Variants in TMCC1 observed in about 807,000 individuals in gnomAD.
TMCC1 encodes transmembrane and coiled-coil domain family 1.
In TMCC1, 15 loss-of-function variants were observed where a neutral mutation model predicts 52.4. That is an observed-to-expected ratio of 0.29 (90% CI 0.19 to 0.44). The LOEUF (loss-of-function observed/expected upper bound fraction) is 0.44. TMCC1 is among the 20% of genes least tolerant of loss of function. TMCC1 has a pLI of 1.00. For missense variants in TMCC1, 503 were observed against 806.0 expected (o/e 0.62, Z 4.55); for synonymous variants, 279 against 301.9 (o/e 0.92, Z 0.79).
intron 4 of TMCC1, among the ~76,000 whole-genome samples, chr3:129,718,854 G>A (rs2049323602): frequency 6.6e-6 from 1 of 152,112 alleles, no homozygotes; most frequent in African/African-American, 2.4e-5. Context: ...AACAGTTTAT[G>A]TTATTGATAA....
At chr3:129,763,867 T>C (rs2053863119) in intron 4 of TMCC1, among the ~76,000 whole-genome samples, 2 of 151,666 alleles carry the variant, frequency 1.3e-5, no homozygotes, top group African/African-American at 4.8e-5. Flanking sequence ...AATACCTGTC[T>C]TAGTTTTTAT....
chr3:129,769,539 AT>A (rs56862714), intron 4 of TMCC1, among the ~76,000 whole-genome samples: 126,390 of 132,538 alleles, frequency 0.95, 60,278 homozygotes, highest in East Asian at 0.99. Context: ...CCATTATGAG[AT>A]TTTTTTTTTT....
intron 4 of TMCC1, among the ~76,000 whole-genome samples, chr3:129,709,415 G>A (rs1385537137): frequency 6.7e-6 from 1 of 148,946 alleles, no homozygotes; most frequent in Non-Finnish European, 1.5e-5. Context: ...GGCCCAGGCT[G>A]TGGTGAGCTG....
intron 4 of TMCC1, among the ~76,000 whole-genome samples, chr3:129,825,533 G>T (rs1181328802): frequency 6.6e-6 from 1 of 151,864 alleles, no homozygotes; most frequent in Non-Finnish European, 1.5e-5. Context: ...CTTTTTTGGT[G>T]GGGGTGGGTG....
intron 4 of TMCC1, among the ~76,000 whole-genome samples, chr3:129,762,214 A>AT (rs954169181): frequency 6.6e-6 from 1 of 151,608 alleles, no homozygotes; most frequent in Non-Finnish European, 1.5e-5. Flanking sequence ...GTTTGTTATA[A>AT]TTTTTTGTAG....
chr3:129,834,517 A>C (rs1446235951), intron 2 of TMCC1, among the ~76,000 whole-genome samples: 1 of 152,210 alleles, frequency 6.6e-6, no homozygotes, highest in Non-Finnish European at 1.5e-5. Context: ...CTACTGACTA[A>C]AATTTTGACT....
In TMCC1 at chr3:129,651,217, A is replaced by G. The variant is rs982127461; in HGVS notation, c.*264T>C. On this transcript the variant is annotated 3_prime_UTR_variant, in exon 7 of 7. Coordinates refer to ENST00000393238, the MANE Select transcript of TMCC1 (RefSeq NM_001017395.5). The surrounding 1 kb of genome is among the most constrained non-coding windows in gnomAD (Gnocchi z 5.1). The stretch of plus-strand genomic sequence containing the variant: ...GCTCCAGATTGTTGGTTCATATTAA[A>G]GGACTGTTTTAAGATTTGCATCCCA... The G allele has an allele frequency of 8.9e-6, 4 of 449,070 alleles. No homozygotes were observed. Among genetic ancestry groups the G allele is most frequent in the African/African-American group, 2.0e-5 (1 of 51,066 alleles). 27.8% of individuals were successfully genotyped at this position (449,070 alleles called of 1,614,324 possible).
At chr3:129,811,792 A>G (rs1019262346) in intron 4 of TMCC1, among the ~76,000 whole-genome samples, 1 of 151,668 alleles carries the variant, frequency 6.6e-6, no homozygotes, top group Middle Eastern at 3.4e-3. Context: ...AAAAATACAA[A>G]ACTTAGCTGG....
chr3:129,671,300 A>G (rs749380882), intron 4 of TMCC1, 36 bp from the exon 5 acceptor site: 2 of 1,563,564 alleles, frequency 1.3e-6, no homozygotes, highest in South Asian at 2.4e-5. Flanking sequence ...TTAGAAGCCC[A>G]AGAGGACTAC....
intron 4 of TMCC1, among the ~76,000 whole-genome samples, chr3:129,692,205 A>T (rs2047074995): frequency 6.6e-6 from 1 of 152,210 alleles, no homozygotes; most frequent in South Asian, 2.1e-4. Flanking sequence ...TTAGTGATAA[A>T]ATTAATATTA....
At chr3:129,855,213 T>C (rs2060098284) in intron 2 of TMCC1, among the ~76,000 whole-genome samples, 1 of 152,204 alleles carries the variant, frequency 6.6e-6, no homozygotes, top group Non-Finnish European at 1.5e-5. Flanking sequence ...TCAAACTCCA[T>C]TGAATAAAAT....
chr3:129,667,805 C>T (rs922999747), intron 5 of TMCC1, among the ~76,000 whole-genome samples: 3 of 152,182 alleles, frequency 2.0e-5, no homozygotes, highest in Non-Finnish European at 4.4e-5. Context: ...CATATCTTGA[C>T]TTTCTACATC....
At chr3:129,675,354 T>A (rs1189293908) in intron 4 of TMCC1, among the ~76,000 whole-genome samples, 1 of 152,230 alleles carries the variant, frequency 6.6e-6, no homozygotes, top group Non-Finnish European at 1.5e-5. Flanking sequence ...CAAATCTGGC[T>A]TTGCTACTAG....
intron 3 of TMCC1, among the ~76,000 whole-genome samples, chr3:129,830,379 T>C (rs766659376): frequency 2.6e-5 from 4 of 152,220 alleles, no homozygotes; most frequent in Non-Finnish European, 4.4e-5. Flanking sequence ...ACAATGTTAC[T>C]CTGATTTTTA....
chr3:129,661,243 T>C (rs576125930), intron 5 of TMCC1, among the ~76,000 whole-genome samples: 1 of 152,082 alleles, frequency 6.6e-6, no homozygotes, highest in Non-Finnish European at 1.5e-5. Context: ...CTGGGCAAAA[T>C]AGCAAAACCC....
intron 1 of TMCC1, among the ~76,000 whole-genome samples, chr3:129,886,766 C>T (rs1169081342): frequency 2.7e-5 from 4 of 150,696 alleles, no homozygotes; most frequent in Non-Finnish European, 5.9e-5. Context: ...ATGGTGAAAC[C>T]GTTTCTACAA....
chr3:129,761,221 G>A (rs965111748), intron 4 of TMCC1, among the ~76,000 whole-genome samples: 1 of 151,836 alleles, frequency 6.6e-6, no homozygotes, highest in Non-Finnish European at 1.5e-5. Flanking sequence ...CCAGCTACTC[G>A]GGAGGGTGAG....
intron 4 of TMCC1, among the ~76,000 whole-genome samples, chr3:129,672,119 A>G (rs1436960552): frequency 6.6e-6 from 1 of 152,232 alleles, no homozygotes; most frequent in Non-Finnish European, 1.5e-5. Context: ...GAACCATTCA[A>G]AGGAGTTGAA....
chr3:129,769,352 C>A (rs1046581798), intron 4 of TMCC1, among the ~76,000 whole-genome samples: 4 of 152,158 alleles, frequency 2.6e-5, no homozygotes, highest in African/African-American at 9.7e-5. Flanking sequence ...GCCTCGGCCT[C>A]CTGAATAGCT....
Sources: gnomAD v4.1 joint callset for allele counts (sites outside exome capture counted in the v4.1 genomes callset) on GRCh38, gnomAD v4.1.1 for gene constraint, Gnocchi (gnomAD v3.1) non-coding constraint, MANE v1.5 for transcripts, NCBI Gene and HGNC (gene_info 2026-07-23, HGNC 2026-07-21) for gene names.